FREM1: variants seen among roughly 807,000 people sequenced by gnomAD.
FREM1 encodes the protein FRAS1 related extracellular matrix 1.
Under a neutral mutation model 210.1 loss-of-function variants are expected in FREM1, and 220 were observed. That is an observed-to-expected ratio of 1.05 (90% confidence interval 0.94 to 1.17). The LOEUF is 1.17. FREM1 is among the 50% of genes most tolerant of loss of function. FREM1 has a pLI of 0.00. For synonymous variants in FREM1, 1,189 were observed against 980.2 expected (o/e 1.21, Z -3.98); for missense variants, 3,454 against 2,675.5 (o/e 1.29, Z -6.42).
At chr9:14,901,332 T>C in intron 1 of FREM1, among the ~76,000 whole-genome samples, 1 of 152,210 alleles carries the variant, frequency 6.6e-6, no homozygotes, top group East Asian at 1.9e-4. Flanking sequence ...ATTCTATAAG[T>C]GTAATTCCCC....
At chr9:14,805,526 G>A (rs574018321) in intron 18 of FREM1, among the ~76,000 whole-genome samples, 3 of 152,270 alleles carry the variant, frequency 2.0e-5, no homozygotes, top group South Asian at 2.1e-4. Flanking sequence ...GACCACCTCC[G>A]TCACGTAAAC....
At chr9:14,816,672 G>T in intron 15 of FREM1, 106 bp downstream of exon 15, 1 of 528,112 alleles carries the variant, frequency 1.9e-6, no homozygotes, top group Non-Finnish European at 3.0e-6. Flanking sequence ...AGAGTCATGA[G>T]CCAAATAAAT....
chr9:14,853,569 G>A (rs1828153038), intron 5 of FREM1, among the ~76,000 whole-genome samples: 1 of 152,168 alleles, frequency 6.6e-6, no homozygotes, highest in Non-Finnish European at 1.5e-5. Context: ...GAAATCATAT[G>A]TCATCAATGC....
chr9:14,747,791 A>G, intron 31 of FREM1, 63 bp from the exon 32 acceptor site: 4 of 924,096 alleles, frequency 4.3e-6, no homozygotes, highest in Non-Finnish European at 6.6e-6. Context: ...GCAATAGGGT[A>G]AAACCACCAA....
chr9:14,880,033 A>T (rs1339509044), intron 1 of FREM1, among the ~76,000 whole-genome samples: 2 of 152,146 alleles, frequency 1.3e-5, no homozygotes, highest in Non-Finnish European at 2.9e-5. Context: ...TTAGGTTTAC[A>T]TAAGGTCATG....
chr9:14,746,775 GC>G, intron 34 of FREM1, 147 bp downstream of exon 34: 1 of 933,432 alleles, frequency 1.1e-6, no homozygotes, highest in Non-Finnish European at 1.6e-6. Context: ...GCCACTTTGG[GC>G]CATTTTTTCC....
intron 1 of FREM1, among the ~76,000 whole-genome samples, chr9:14,883,269 A>G (rs531653832): frequency 1.3e-5 from 2 of 152,348 alleles, no homozygotes; most frequent in Non-Finnish European, 1.5e-5. Flanking sequence ...AGGAGGGGGG[A>G]AAAGTACAAG....
intron 24 of FREM1, among the ~76,000 whole-genome samples, chr9:14,779,977 G>C (rs1348756632): frequency 1.3e-5 from 2 of 152,184 alleles, no homozygotes; most frequent in African/African-American, 4.8e-5. Flanking sequence ...TTACGGTTGA[G>C]TTCCCAGTCA....
chr9:14,868,639 T>C (rs1215406867), intron 2 of FREM1, 105 bp downstream of exon 2: 10 of 727,638 alleles, frequency 1.4e-5, no homozygotes, highest in Non-Finnish European at 2.2e-5. Context: ...TCGTCTTTGA[T>C]GGCTTGAGGG....
intron 19 of FREM1, among the ~76,000 whole-genome samples, chr9:14,804,491 A>G (rs1817986199): frequency 6.6e-6 from 1 of 152,206 alleles, no homozygotes; most frequent in Non-Finnish European, 1.5e-5. Flanking sequence ...AGGCTGAGGC[A>G]GGAGAATGGC....
At chr9:14,900,164 T>C (rs1465580910) in intron 1 of FREM1, among the ~76,000 whole-genome samples, 2 of 152,174 alleles carry the variant, frequency 1.3e-5, no homozygotes, top group African/African-American at 4.8e-5. Flanking sequence ...CACACCAAGA[T>C]GAGTTGCCTC....
chr9:14,742,982 C>A (rs1029863476), intron 35 of FREM1, among the ~76,000 whole-genome samples: 2 of 152,020 alleles, frequency 1.3e-5, no homozygotes, highest in Non-Finnish European at 1.5e-5. Context: ...CTTCCTTGAA[C>A]CTCTTTTTAA....
chr9:14,851,726 C>G (rs1827795636), intron 5 of FREM1, 119 bp from the exon 6 acceptor site: 7 of 831,262 alleles, frequency 8.4e-6, no homozygotes, highest in South Asian at 7.2e-5. Flanking sequence ...TGACCTGAAG[C>G]CTGGCTGCAT....
rs545224754 is a variant in FREM1 at position 14,888,040 on chromosome 9, C to G, written c.-267-18796G>C. 3.3e-5 allele frequency among the ~76,000 whole-genome samples: 5 copies of G among 152,234 alleles called. No homozygotes were observed. The East Asian group carries it at 9.7e-4, about 29-fold the overall frequency. Reference sequence around the variant, plus strand: ...GTCAAACTCTTGACCTCAAGTGATCCGCCCTCCTCAGCCTCCCAAAGTGCT... The same window carrying G: ...GTCAAACTCTTGACCTCAAGTGATCGGCCCTCCTCAGCCTCCCAAAGTGCT... On this transcript the variant is annotated intron_variant, in intron 1 of 36. Coordinates refer to ENST00000380880, the MANE Select transcript of FREM1 (RefSeq NM_001379081.2).
At chr9:14,743,486 C>T (rs1175421483) in intron 35 of FREM1, among the ~76,000 whole-genome samples, 1 of 151,982 alleles carries the variant, frequency 6.6e-6, no homozygotes, top group Non-Finnish European at 1.5e-5. Flanking sequence ...AAAGAACAGT[C>T]CTTTAAAAAA....
At chr9:14,797,247 A>G (rs777613448) in intron 21 of FREM1, among the ~76,000 whole-genome samples, 2 of 152,240 alleles carry the variant, frequency 1.3e-5, no homozygotes, top group African/African-American at 2.4e-5. Flanking sequence ...GTGTTCAGTC[A>G]TTCTTATTCT....
chr9:14,827,381 G>A (rs1487804378), intron 10 of FREM1, among the ~76,000 whole-genome samples: 1 of 152,208 alleles, frequency 6.6e-6, no homozygotes, highest in Non-Finnish European at 1.5e-5. Flanking sequence ...ATGTAAGGCA[G>A]AACTGAGCAG....
chr9:14,800,223 G>C (rs1199845357), intron 20 of FREM1, among the ~76,000 whole-genome samples: 1 of 152,082 alleles, frequency 6.6e-6, no homozygotes, highest in East Asian at 1.9e-4. Context: ...GAGTGGTTTG[G>C]AGACCTTGGG....
chr9:14,882,705 G>A (rs1479422021), intron 1 of FREM1, among the ~76,000 whole-genome samples: 5 of 151,176 alleles, frequency 3.3e-5, no homozygotes, highest in South Asian at 4.2e-4. Context: ...TGATCTGCCC[G>A]CCTCAGCTCC....
Sources: gnomAD v4.1 joint callset for allele counts (sites outside exome capture counted in the v4.1 genomes callset) on GRCh38, gnomAD v4.1.1 for gene constraint, MANE v1.5 for transcripts, NCBI Gene and HGNC (gene_info 2026-07-23, HGNC 2026-07-21) for gene names.